QTRT2: variants seen among roughly 807,000 people sequenced by gnomAD.
QTRT2 encodes the protein queuine tRNA-ribosyltransferase accessory subunit 2.
A neutral mutation model predicts 44.8 loss-of-function variants in QTRT2; 32 were observed. That is an observed-to-expected ratio of 0.71 (90% CI 0.54 to 0.96). The LOEUF (loss-of-function observed/expected upper bound fraction) is 0.96. Ranked by LOEUF, QTRT2 falls within the 40% of genes least tolerant of loss-of-function variation. QTRT2 has a pLI of 0.00. For synonymous variants in QTRT2, 182 were observed against 187.4 expected, an observed-to-expected ratio of 0.97 and a Z score of 0.24; for missense variants, 461 against 503.1, an observed-to-expected ratio of 0.92 and a Z score of 0.80.
rs756784326 is a variant in QTRT2 at position 114,070,591 on chromosome 3, T to A, written c.334-35T>A. The A allele has an allele frequency of 5.2e-6, 8 of 1,542,230 alleles. No homozygotes were observed. The East Asian group carries it at 1.8e-4, about 35-fold the overall frequency. ...TATTTTATTTTTATTTGCATTTTAC[T>A]CTTGCTAATTCCTCATCATTTTGCT... On this transcript the variant is annotated intron_variant, in intron 5 of 9. Coordinates refer to ENST00000281273, the MANE Select transcript of QTRT2 (RefSeq NM_024638.4).
At chr3:114,084,911 G>A (rs970617823) in intron 9 of QTRT2, among the ~76,000 whole-genome samples, 3 of 152,188 alleles carry the variant, frequency 2.0e-5, no homozygotes, top group African/African-American at 4.8e-5. Context: ...ATGAGACAGT[G>A]TATGTGAAAG....
chr3:114,081,884 G>T (rs2077169517), intron 8 of QTRT2, among the ~76,000 whole-genome samples: 1 of 152,054 alleles, frequency 6.6e-6, no homozygotes, highest in African/African-American at 2.4e-5. Flanking sequence ...TTTCTCCTGG[G>T]ACCAACACTG....
rs1463635003 is a variant in QTRT2, at chr3:114,063,703, GTAGT to G, written c.-21-1531_-21-1528del. Among the ~76,000 whole-genome samples the G allele has an allele frequency of 3.3e-5, 5 of 151,868 alleles. No homozygotes were observed. The East Asian group carries it at 5.8e-4, about 18-fold the overall frequency. ...AATCTCTTCTTAGACCATATAGAAA[GTAGT>G]TATTCTTTTTTTTTAAGAAAGTAGT... On this transcript the variant is annotated intron_variant, in intron 2 of 9. Transcript: ENST00000281273.
In QTRT2 at chr3:114,086,058, T is replaced by C; in HGVS notation, c.*154T>C. 1 of 642,340 alleles carries C rather than the reference T, an allele frequency of 1.6e-6. No individual in the cohort carries two copies. Among genetic ancestry groups the C allele is most frequent in the Non-Finnish European group, 2.7e-6 (1 of 373,342 alleles). The allele number at this position is 642,340 out of a possible 1,614,324, so 39.8% of individuals were successfully genotyped here. ...GAATCTTTGTACCAAACTGCCCACA[T>C]GAGGGTGAAGAGATTTCCTCAAAAG... On this transcript the variant is annotated 3_prime_UTR_variant, in exon 10 of 10. Coordinates refer to ENST00000281273, the MANE Select transcript of QTRT2 (RefSeq NM_024638.4).
chr3:114,064,641 T>G (rs1577514392), intron 2 of QTRT2, among the ~76,000 whole-genome samples: 2 of 152,242 alleles, frequency 1.3e-5, no homozygotes, highest in East Asian at 3.8e-4. Context: ...TCCACACAGT[T>G]TCTCACTTCT....
intron 4 of QTRT2, among the ~76,000 whole-genome samples, chr3:114,067,329 GC>G (rs1331696092): frequency 2.0e-5 from 3 of 152,094 alleles, no homozygotes; most frequent in African/African-American, 7.2e-5. Context: ...TTTTACACTT[GC>G]TTTTTTTTCA....
chr3:114,061,611 CTG>C (rs997346960), intron 2 of QTRT2, among the ~76,000 whole-genome samples: 3 of 152,214 alleles, frequency 2.0e-5, no homozygotes, highest in African/African-American at 7.2e-5. Flanking sequence ...GGATCTCCCT[CTG>C]TTGCCCAGGC....
chr3:114,060,051 C>T (rs190094032), intron 2 of QTRT2, among the ~76,000 whole-genome samples: 387 of 152,196 alleles, frequency 2.5e-3, no homozygotes, highest in African/African-American at 9.1e-3. Context: ...TTACAAAGGA[C>T]CTCTAATTAC....
chr3:114,084,470 C>T (rs886468760), intron 9 of QTRT2, among the ~76,000 whole-genome samples: 11 of 151,666 alleles, frequency 7.3e-5, no homozygotes, highest in African/African-American at 2.7e-4. Flanking sequence ...ATTATCTGGG[C>T]GTGGTGGGAA....
At chr3:114,073,728 T>C (rs1200635871) in intron 6 of QTRT2, among the ~76,000 whole-genome samples, 1 of 150,200 alleles carries the variant, frequency 6.7e-6, no homozygotes, top group African/African-American at 2.5e-5. Context: ...TCCATACCCT[T>C]TATTATTGTC....
intron 8 of QTRT2, among the ~76,000 whole-genome samples, chr3:114,081,226 G>C (rs2077162020): frequency 6.6e-6 from 1 of 152,176 alleles, no homozygotes; most frequent in Non-Finnish European, 1.5e-5. Context: ...TTTAAACAAA[G>C]TATTATTAAC....
intron 2 of QTRT2, among the ~76,000 whole-genome samples, chr3:114,059,460 A>G (rs1214743957): frequency 4.6e-5 from 7 of 152,230 alleles, no homozygotes; most frequent in African/African-American, 1.7e-4. Context: ...GAATATGTGT[A>G]TGTGTGTGTA....
chr3:114,079,798 G>A, intron 7 of QTRT2, 108 bp from the exon 8 acceptor site: 2 of 1,023,086 alleles, frequency 2.0e-6, no homozygotes, highest in South Asian at 2.6e-5. Flanking sequence ...ACCATGATTG[G>A]TGTTTTTCAT....
chr3:114,066,767 G>T (rs1197121260), intron 4 of QTRT2, among the ~76,000 whole-genome samples: 1 of 152,224 alleles, frequency 6.6e-6, no homozygotes, highest in Admixed American at 6.5e-5. Flanking sequence ...GTGTGGGGCA[G>T]ATGCTGCAGG....
At chr3:114,056,971 G>A in intron 1 of QTRT2, 28 bp from the exon 2 acceptor site, 1 of 1,470,562 alleles carries the variant, frequency 6.8e-7, no homozygotes, top group East Asian at 2.5e-5. Context: ...TTGTACTCCC[G>A]CCATGTCTCC....
chr3:114,084,059 TC>T (rs1429005561), intron 9 of QTRT2, among the ~76,000 whole-genome samples: 9 of 150,802 alleles, frequency 6.0e-5, no homozygotes, highest in Admixed American at 5.9e-4. Flanking sequence ...TTCACTTTTT[TC>T]TTTTTTTTTT....
intron 8 of QTRT2, among the ~76,000 whole-genome samples, chr3:114,082,204 CCACACACACACACACACACACACACA>C (rs71146306): frequency 7.2e-6 from 1 of 138,866 alleles, no homozygotes; most frequent in African/African-American, 2.7e-5. Flanking sequence ...GATAACCCCA[CCACACACACACACACACACACACACA>C]CACACACACA....
chr3:114,061,138 C>T (rs996158272), intron 2 of QTRT2, among the ~76,000 whole-genome samples: 2 of 152,094 alleles, frequency 1.3e-5, no homozygotes, highest in South Asian at 2.1e-4. Context: ...TTAAGAAAAC[C>T]GATGGGTTTC....
Position 114,066,107 on chromosome 3 carries a change from A to AT in QTRT2, c.201-119dup. 8.8e-6 allele frequency: 6 copies of AT among 680,358 alleles called. No homozygotes were observed. In the South Asian group the frequency reaches 1.2e-4, roughly 14 times the overall value. 42.1% of individuals were successfully genotyped at this position (680,358 alleles called of 1,614,324 possible). On this transcript the variant is annotated intron_variant, in intron 3 of 9. Transcript: ENST00000281273. ...GTTAGAACTCTTGAATAATGGTGTA[A>AT]TTCAAGACAGCATTTACCATGATGT...
Sources: allele counts gnomAD v4.1 joint callset (sites outside exome capture counted in the v4.1 genomes callset), GRCh38; gene constraint gnomAD v4.1.1; transcripts MANE v1.5; gene names NCBI Gene and HGNC (gene_info 2026-07-23, HGNC 2026-07-21).